PAPPA: variants seen among roughly 807,000 people sequenced by gnomAD.
The protein encoded by PAPPA is pappalysin-1.
A neutral mutation model predicts 164.0 loss-of-function variants in PAPPA; 60 were observed. The observed-to-expected ratio is 0.37, with a 90% CI of 0.30 to 0.45. PAPPA has a LOEUF of 0.45. PAPPA is among the 20% of genes least tolerant of loss of function. The pLI, the probability that PAPPA is intolerant of heterozygous loss-of-function variation, is 1.00. For missense variants in PAPPA, 1,782 were observed against 2,087.3 expected (o/e 0.85, Z 2.85); for synonymous variants, 875 against 814.1 (o/e 1.07, Z -1.27).
At chr9:116,226,831 C>A (rs407200) in intron 5 of PAPPA, among the ~76,000 whole-genome samples, 70,505 of 152,130 alleles carry the variant, frequency 0.46, 17,013 homozygotes, top group East Asian at 0.73. Flanking sequence ...AAAGCCGCTA[C>A]AATGAATTAG....
intron 5 of PAPPA, among the ~76,000 whole-genome samples, chr9:116,221,478 A>G (rs543230020): frequency 1.3e-5 from 2 of 152,336 alleles, no homozygotes; most frequent in Non-Finnish European, 2.9e-5. Flanking sequence ...TAAATGCTTT[A>G]CATACAGAAT....
At chr9:116,222,622 G>A (rs1197275600) in intron 5 of PAPPA, among the ~76,000 whole-genome samples, 4 of 152,022 alleles carry the variant, frequency 2.6e-5, no homozygotes, top group Non-Finnish European at 2.9e-5. Context: ...ATGATCTCAC[G>A]TATATGTGGA....
intron 8 of PAPPA, among the ~76,000 whole-genome samples, chr9:116,268,038 T>C (rs1212499267): frequency 6.6e-6 from 1 of 152,096 alleles, no homozygotes; most frequent in Admixed American, 6.6e-5. Context: ...CCGGATCATA[T>C]GTTTATTTCT....
intron 1 of PAPPA, among the ~76,000 whole-genome samples, chr9:116,174,986 A>G (rs987846350): frequency 2.0e-5 from 3 of 152,190 alleles, no homozygotes; most frequent in Admixed American, 1.3e-4. Context: ...TTATTTTACC[A>G]CAGTCATCTT....
intron 14 of PAPPA, among the ~76,000 whole-genome samples, chr9:116,344,964 A>C (rs1846188525): frequency 6.6e-6 from 1 of 152,250 alleles, no homozygotes; most frequent in African/African-American, 2.4e-5. Flanking sequence ...GTTTTTGTGT[A>C]GGTTGCAAAT....
intron 7 of PAPPA, among the ~76,000 whole-genome samples, chr9:116,263,794 G>A (rs890768729): frequency 1.1e-4 from 16 of 152,146 alleles, no homozygotes; most frequent in African/African-American, 2.9e-4. Flanking sequence ...AGGAAGAGAC[G>A]CGACGAGAGG....
At chr9:116,332,634 T>C in intron 12 of PAPPA, 166 bp downstream of exon 12, 1 of 623,320 alleles carries the variant, frequency 1.6e-6, no homozygotes. Flanking sequence ...GATGTGGTTA[T>C]GTATCCAGAG....
intron 4 of PAPPA, among the ~76,000 whole-genome samples, chr9:116,218,165 A>C (rs1257040773): frequency 6.6e-6 from 1 of 152,084 alleles, no homozygotes; most frequent in East Asian, 1.9e-4. Context: ...CACTTCTCCA[A>C]ATGTGTTAAA....
intron 18 of PAPPA, among the ~76,000 whole-genome samples, chr9:116,366,588 T>C (rs1846502804): frequency 6.6e-6 from 1 of 152,250 alleles, no homozygotes; most frequent in Non-Finnish European, 1.5e-5. Flanking sequence ...GATGTACTTA[T>C]TCACTCACTG....
intron 9 of PAPPA, among the ~76,000 whole-genome samples, chr9:116,278,654 G>GTTTTTT (rs144418063): frequency 1.3e-5 from 2 of 148,680 alleles, no homozygotes; most frequent in African/African-American, 2.5e-5. Context: ...TAGCCAAATC[G>GTTTTTT]TTTTTTTTTT....
chr9:116,214,949 A>G (rs1270457360), intron 4 of PAPPA, among the ~76,000 whole-genome samples: 1 of 152,204 alleles, frequency 6.6e-6, no homozygotes, highest in Non-Finnish European at 1.5e-5. Flanking sequence ...GTTCTTAATG[A>G]TATTTGTTTC....
chr9:116,285,264 G>A lies in PAPPA; in HGVS notation c.2953+13848G>A, dbSNP rs551243051. On this transcript the variant is annotated intron_variant, in intron 9 of 21. Transcript: ENST00000328252. ...GGCTCACTGCAACCTCCACCTCCTG[G>A]GTTCAAGTGATTCTCCTGCCTCAGC... 4.4e-5 allele frequency among the ~76,000 whole-genome samples: 6 copies of A among 136,914 alleles called. No individual in the cohort carries two copies. In the South Asian group the frequency reaches 1.4e-3, roughly 32 times the overall value. The allele number at this position is 136,914 out of a possible 152,430, so 89.8% of individuals were successfully genotyped here.
At chr9:116,204,910 C>A (rs2118669717) in intron 2 of PAPPA, among the ~76,000 whole-genome samples, 1 of 152,162 alleles carries the variant, frequency 6.6e-6, no homozygotes, top group South Asian at 2.1e-4. Flanking sequence ...AAAAAAAATC[C>A]TTTCAAGGCA....
intron 20 of PAPPA, among the ~76,000 whole-genome samples, chr9:116,379,577 ATCCATC>A: frequency 6.6e-6 from 1 of 151,584 alleles, no homozygotes; most frequent in East Asian, 2.0e-4. Context: ...CCATCCATCC[ATCCATC>A]GTTTTACTAA....
At chr9:116,339,747 G>A (rs771708546) in intron 13 of PAPPA, among the ~76,000 whole-genome samples, 4 of 152,078 alleles carry the variant, frequency 2.6e-5, no homozygotes, top group African/African-American at 7.2e-5. Flanking sequence ...CAGTTACACC[G>A]TGAGTCAAGG....
At chr9:116,234,310 C>G (rs982423124) in intron 6 of PAPPA, among the ~76,000 whole-genome samples, 1 of 151,978 alleles carries the variant, frequency 6.6e-6, no homozygotes. Flanking sequence ...TCCTTCTCCC[C>G]GCTCCTCACC....
At chr9:116,217,796 T>G (rs1021873500) in intron 4 of PAPPA, among the ~76,000 whole-genome samples, 1 of 152,142 alleles carries the variant, frequency 6.6e-6, no homozygotes, top group Non-Finnish European at 1.5e-5. Flanking sequence ...CTGTCTTCAC[T>G]TCACAGATGG....
At chr9:116,328,157 T>A (rs1436264908) in intron 10 of PAPPA, among the ~76,000 whole-genome samples, 1 of 152,218 alleles carries the variant, frequency 6.6e-6, no homozygotes, top group African/African-American at 2.4e-5. Context: ...CCTTCAGAGA[T>A]GTGCTTCACC....
At chr9:116,168,224 G>A (rs979540524) in intron 1 of PAPPA, among the ~76,000 whole-genome samples, 1 of 152,186 alleles carries the variant, frequency 6.6e-6, no homozygotes, top group Non-Finnish European at 1.5e-5. Context: ...AAAGGTAAAT[G>A]TTCCTTCATT....
Sources: gnomAD v4.1 joint callset for allele counts (sites outside exome capture counted in the v4.1 genomes callset) on GRCh38, gnomAD v4.1.1 for gene constraint, MANE v1.5 for transcripts, NCBI Gene and HGNC (gene_info 2026-07-23, HGNC 2026-07-21) for gene names.